Variants in AGBL4 observed in about 807,000 individuals in gnomAD.
AGBL4 encodes cytosolic carboxypeptidase 6.
In AGBL4, 58 loss-of-function variants were observed where a neutral mutation model predicts 66.4. The observed-to-expected ratio is 0.87, with a 90% CI of 0.71 to 1.09. The LOEUF (loss-of-function observed/expected upper bound fraction) is 1.09, where lower values mean the gene tolerates loss of function less well. Among genes scored for constraint, AGBL4 ranks in the 50% least tolerant of loss-of-function variants. The pLI is 0.00. For missense variants in AGBL4, 579 were observed against 631.0 expected, an observed-to-expected ratio of 0.92 and a Z score of 0.88; for synonymous variants, 234 against 222.9, an observed-to-expected ratio of 1.05 and a Z score of -0.44.
rs183006341 is a variant in AGBL4, at chr1:48,957,998, T to G, written c.594+87586A>C. On this transcript the variant is annotated intron_variant, in intron 5 of 13. Coordinates refer to ENST00000371839, the MANE Select transcript of AGBL4 (RefSeq NM_032785.4). ...AATGACTTCTGCAGGCTTGTTTTTT[T>G]TTTGTTTGTTTGTTTTGTTTTTTGT... 2.9e-3 allele frequency among the ~76,000 whole-genome samples: 443 copies of G among 152,106 alleles called. 1 individual carries two copies. Among genetic ancestry groups the G allele is most frequent in the African/African-American group, 9.0e-3 (373 of 41,504 alleles).
chr1:48,630,380 T>C (rs1000384617), intron 9 of AGBL4, among the ~76,000 whole-genome samples: 1 of 152,156 alleles, frequency 6.6e-6, no homozygotes, highest in Non-Finnish European at 1.5e-5. Context: ...AGGTCTACTG[T>C]ACACTGAGCA....
In AGBL4 at chr1:48,876,880, A is replaced by G. The variant is rs187624072; in HGVS notation, c.595-9650T>C. 1.2e-3 allele frequency among the ~76,000 whole-genome samples: 181 copies of G among 152,318 alleles called. 3 individuals are homozygous for G. Among genetic ancestry groups the G allele is most frequent in the Admixed American group, 0.012 (180 of 15,298 alleles). Reference sequence around the variant, plus strand: ...ATTTCTTTTTGTGGAATCAAACTTTAGAATTAAGATGTGCCTTTAAGGACT... The same window carrying G: ...ATTTCTTTTTGTGGAATCAAACTTTGGAATTAAGATGTGCCTTTAAGGACT... On this transcript the variant is annotated intron_variant, in intron 5 of 13. Coordinates refer to ENST00000371839, the MANE Select transcript of AGBL4 (RefSeq NM_032785.4).
chr1:48,561,606 T>C (rs1368482861), intron 11 of AGBL4, among the ~76,000 whole-genome samples: 1 of 152,218 alleles, frequency 6.6e-6, no homozygotes, highest in Non-Finnish European at 1.5e-5. Context: ...TGAGTAGACT[T>C]AGTCAAGGAG....
chr1:48,790,628 T>C (rs570020860), intron 6 of AGBL4, among the ~76,000 whole-genome samples: 18 of 152,332 alleles, frequency 1.2e-4, no homozygotes, highest in African/African-American at 4.3e-4. Flanking sequence ...ATGGTTTGAA[T>C]GTGCCCCTCA....
intron 5 of AGBL4, among the ~76,000 whole-genome samples, chr1:48,923,795 C>T (rs754555805): frequency 1.7e-4 from 26 of 152,154 alleles, no homozygotes; most frequent in Non-Finnish European, 3.4e-4. Context: ...GACCAATGTA[C>T]ATTTGTGTTC....
downstream of AGBL4, among the ~76,000 whole-genome samples, chr1:48,531,161 T>A (rs926449961): frequency 6.6e-6 from 1 of 152,140 alleles, no homozygotes; most frequent in African/African-American, 2.4e-5. Flanking sequence ...ACAGTCATCT[T>A]GCAAACACAC....
chr1:49,514,919 G>C (rs367620058), intron 3 of AGBL4, among the ~76,000 whole-genome samples: 1 of 151,824 alleles, frequency 6.6e-6, no homozygotes, highest in African/African-American at 2.4e-5. Context: ...TGTTAGACCT[G>C]AAACCATAAA....
At chr1:49,916,026 G>T (rs763761714) in intron 1 of AGBL4, among the ~76,000 whole-genome samples, 1 of 152,170 alleles carries the variant, frequency 6.6e-6, no homozygotes, top group African/African-American at 2.4e-5. Context: ...TGAGGGACCT[G>T]ATTGTTAGAA....
Position 49,967,238 on chromosome 1 carries a change from GC to G in AGBL4, c.34+56524del, listed in dbSNP as rs373997980. 3.2e-4 allele frequency among the ~76,000 whole-genome samples: 49 copies of G among 152,210 alleles called. 1 individual carries two copies. In the South Asian group the frequency reaches 9.3e-3, roughly 29 times the overall value. On this transcript the variant is annotated intron_variant, in intron 1 of 13. Transcript: ENST00000371839. ...TGGTATCTCACTGTGGTTTTGATTT[GC>G]ATTTCTCTAATGACCAGTGAACCGA... is the stretch of plus-strand genomic sequence containing the variant.
intron 3 of AGBL4, among the ~76,000 whole-genome samples, chr1:49,648,430 T>A (rs1266687248): frequency 6.6e-6 from 1 of 150,682 alleles, no homozygotes; most frequent in Non-Finnish European, 1.5e-5. Context: ...AAAGACAGAA[T>A]GGAACAGAAG....
intron 6 of AGBL4, among the ~76,000 whole-genome samples, chr1:48,816,417 G>T (rs538633902): frequency 2.0e-5 from 3 of 152,234 alleles, no homozygotes; most frequent in African/African-American, 7.2e-5. Flanking sequence ...ACAGAACTGT[G>T]GTGGGGCCTG....
At chr1:48,724,450 C>T (rs1201709961) in intron 6 of AGBL4, among the ~76,000 whole-genome samples, 1 of 152,070 alleles carries the variant, frequency 6.6e-6, no homozygotes, top group African/African-American at 2.4e-5. Context: ...GGGCAGCTGA[C>T]CAGGTGGTTT....
chr1:49,785,421 A>G (rs1644429515), intron 2 of AGBL4, among the ~76,000 whole-genome samples: 1 of 152,088 alleles, frequency 6.6e-6, no homozygotes, highest in South Asian at 2.1e-4. Flanking sequence ...CATATATCTA[A>G]GTGTTTTACC....
intron 5 of AGBL4, among the ~76,000 whole-genome samples, chr1:48,920,047 C>T (rs1557461883): frequency 6.6e-6 from 1 of 152,036 alleles, no homozygotes; most frequent in Non-Finnish European, 1.5e-5. Flanking sequence ...TGATATGAGC[C>T]CAGTGGTAAA....
intron 6 of AGBL4, among the ~76,000 whole-genome samples, chr1:48,795,635 A>G (rs374889308): frequency 6.6e-6 from 1 of 152,098 alleles, no homozygotes; most frequent in Non-Finnish European, 1.5e-5. Context: ...ATTTGTGTAT[A>G]TGTATATGTA....
chr1:48,523,457 G>T, the AGBL4 span, among the ~76,000 whole-genome samples: 1 of 152,166 alleles, frequency 6.6e-6, no homozygotes, highest in African/African-American at 2.4e-5. Context: ...CATTCTGTGG[G>T]TGAGGAAGTT....
chr1:48,742,708 C>T (rs1464792662), intron 6 of AGBL4: 2 of 1,610,872 alleles, frequency 1.2e-6, no homozygotes, highest in Non-Finnish European at 8.5e-7. Flanking sequence ...ACTGAAAGTG[C>T]TCCGTAACTC....
intron 3 of AGBL4, among the ~76,000 whole-genome samples, chr1:49,315,380 C>A (rs1488963970): frequency 2.0e-5 from 3 of 152,012 alleles, no homozygotes; most frequent in Non-Finnish European, 4.4e-5. Context: ...CAACAGAAGC[C>A]AAAATTGACA....
At chr1:48,932,813 T>A (rs906931625) in intron 5 of AGBL4, among the ~76,000 whole-genome samples, 1 of 151,716 alleles carries the variant, frequency 6.6e-6, no homozygotes, top group African/African-American at 2.4e-5. Context: ...AATTTTTTTT[T>A]ACACAACTCC....
Sources: gnomAD v4.1 joint callset for allele counts (sites outside exome capture counted in the v4.1 genomes callset) on GRCh38, gnomAD v4.1.1 for gene constraint, MANE v1.5 for transcripts, NCBI Gene and HGNC (gene_info 2026-07-23, HGNC 2026-07-21) for gene names.